Variants in SLC22A5 observed in about 807,000 individuals in gnomAD.
The protein encoded by SLC22A5 is solute carrier family 22 member 5, also known as organic cation/carnitine transporter 2.
Under a neutral mutation model 56.7 loss-of-function variants are expected in SLC22A5, and 44 were observed. The observed-to-expected ratio is 0.78, with a 90% CI of 0.61 to 1.00. The LOEUF (loss-of-function observed/expected upper bound fraction) is 1.00. Ranked by LOEUF, SLC22A5 falls within the 50% of genes least tolerant of loss-of-function variation. The pLI, the probability that SLC22A5 is intolerant of heterozygous loss-of-function variation, is 0.00. For missense variants in SLC22A5, 675 were observed against 723.0 expected (o/e 0.93, Z 0.76); for synonymous variants, 278 against 292.1 (o/e 0.95, Z 0.49).
At chr5:132,380,483 G>C (rs1752310859) in intron 2 of SLC22A5, 1 of 151,640 alleles carries the variant, frequency 6.6e-6, no homozygotes, top group South Asian at 2.1e-4. Flanking sequence ...AGAAAGAATT[G>C]AAGGGAAGCA....
At position 132,391,336 on chromosome 5, in the gene SLC22A5, G is replaced by A. The variant is rs1040100107; in HGVS notation, c.1267+432G>A. Among the ~76,000 whole-genome samples, 3 of 152,234 alleles carry A rather than the reference G, an allele frequency of 2.0e-5. No homozygotes were observed. The South Asian group carries it at 6.2e-4, about 32-fold the overall frequency. ...GCCAGGCAGAACCCCAGGCCCTCAT[G>A]GAACGTACACCCTAGATGAGAAGAC... On this transcript the variant is annotated intron_variant, in intron 7 of 9. Transcript: ENST00000245407.
chr5:132,393,764 C>T lies in SLC22A5; in HGVS notation c.1539C>T (p.Phe513=), dbSNP rs370593952. ...AILTLFLPES[F]GTPLPDTIDQ... is the part of the protein sequence containing the mutation. ...TCACCTTGTTTCTCCCAGAGAGCTTCGGTACCCCACTCCCAGACACCATTG... is the reference window on the plus strand; with the variant it reads ...TCACCTTGTTTCTCCCAGAGAGCTTTGGTACCCCACTCCCAGACACCATTG... Residue 513 remains phenylalanine, a synonymous_variant, in exon 9 of 10, where the codon TTC becomes TTT. Coordinates refer to ENST00000245407, the MANE Select transcript of SLC22A5 (RefSeq NM_003060.4). 21 of 1,614,018 alleles carry T rather than the reference C, an allele frequency of 1.3e-5. No individual in the cohort carries two copies. Among genetic ancestry groups the T allele is most frequent in the South Asian group, 1.2e-4 (11 of 91,088 alleles).
chr5:132,384,206 T>C lies in SLC22A5; in HGVS notation c.557T>C (p.Leu186Pro), dbSNP rs386134197. ...TMGMQTGFSF[L>P]QIFSKNFEMF... is the part of the protein sequence containing the mutation. ...GGCATGCAGACAGGCTTCAGCTTCC[T>C]GCAGATCTTCTCGAAGAATTTTGAG... is the stretch of plus-strand genomic sequence containing the variant. Residue 186 changes from leucine to proline, a missense_variant, in exon 3 of 10, where the codon CTG becomes CCG. By Grantham distance (98) the Leu-to-Pro change is moderately conservative. Transcript: ENST00000245407. 1 of 1,614,150 alleles carries C rather than the reference T, an allele frequency of 6.2e-7. No individual in the cohort carries two copies. The highest frequency in any genetic ancestry group is 1.3e-5 in the African/African-American group (1 of 74,960).
chr5:132,370,477 C>T, intron 1 of SLC22A5, 112 bp downstream of exon 1: 7 of 1,238,676 alleles, frequency 5.7e-6, no homozygotes, highest in East Asian at 5.1e-5. Flanking sequence ...ACTCCCCCTC[C>T]CCCAACGGTC....
intron 1 of SLC22A5, among the ~76,000 whole-genome samples, chr5:132,375,235 G>C (rs138243653): frequency 1.3e-5 from 2 of 152,206 alleles, no homozygotes; most frequent in Non-Finnish European, 2.9e-5. Flanking sequence ...TATACAGGGG[G>C]CACTGCCAGG....
Position 132,369,919 on chromosome 5 carries a change from A to C in SLC22A5, c.-54A>C. ...GCGGGTGCCCCGCGCGCACGCGCAA[A>C]GCCCGCCGCGTTCCCCGACCCCAGG... On this transcript the variant is annotated 5_prime_UTR_variant, in exon 1 of 10. Transcript: ENST00000245407. The C allele has an allele frequency of 6.2e-7, 1 of 1,601,500 alleles. No homozygotes were observed. The highest frequency in any genetic ancestry group is 2.2e-5 in the East Asian group (1 of 44,570).
chr5:132,389,476 G>C (rs1388535289), intron 6 of SLC22A5: 4 of 271,162 alleles, frequency 1.5e-5, no homozygotes, highest in Non-Finnish European at 7.3e-6. Context: ...TCCATAAACG[G>C]TCCTGGAGTC....
In SLC22A5 at chr5:132,394,412, T is replaced by C. The variant is rs946124464; in HGVS notation, c.*140T>C. ...GACCTGTGTCTGACTTGCTCCTGGATGGGCACCCACACTCAGAGGCTACAT... is the reference window on the plus strand; with the variant it reads ...GACCTGTGTCTGACTTGCTCCTGGACGGGCACCCACACTCAGAGGCTACAT... On this transcript the variant is annotated 3_prime_UTR_variant, in exon 10 of 10. Transcript: ENST00000245407. The C allele has an allele frequency of 1.3e-6, 1 of 752,390 alleles. No homozygotes were observed. The allele number at this position is 752,390 out of a possible 1,614,324, so 46.6% of individuals were successfully genotyped here.
chr5:132,370,953 C>CTTTTTTTTTT (rs750736082), intron 1 of SLC22A5, among the ~76,000 whole-genome samples: 17,162 of 132,746 alleles, frequency 0.13, 1,740 homozygotes, highest in East Asian at 0.32. Flanking sequence ...AGTTGTCAGT[C>CTTTTTTTTTT]TTTTTTTTTT....
At chr5:132,377,551 C>CT (rs1178589843) in intron 1 of SLC22A5, 1 of 152,480 alleles carries the variant, frequency 6.6e-6, no homozygotes. Flanking sequence ...ATCCAAGCGT[C>CT]TGGCTGCTTC....
At chr5:132,370,481 A>C in intron 1 of SLC22A5, 116 bp downstream of exon 1, 2 of 1,187,806 alleles carry the variant, frequency 1.7e-6, no homozygotes, top group Admixed American at 2.1e-5. Flanking sequence ...CCCCTCCCCC[A>C]ACGGTCAACA....
At chr5:132,378,631 G>A in intron 2 of SLC22A5, 150 bp downstream of exon 2, 1 of 692,176 alleles carries the variant, frequency 1.4e-6, no homozygotes, top group Non-Finnish European at 2.6e-6. Context: ...TAGACTCCAT[G>A]CCTAGTAAGA....
intron 5 of SLC22A5, 79 bp downstream of exon 5, chr5:132,387,230 C>A: frequency 1.9e-6 from 3 of 1,558,718 alleles, no homozygotes; most frequent in Non-Finnish European, 2.7e-6. Context: ...CTGAAGTCCT[C>A]CCTGCTCACA....
At chr5:132,392,277 G>A (rs952819143) in intron 7 of SLC22A5, among the ~76,000 whole-genome samples, 156 bp from the exon 8 acceptor site, 2 of 152,206 alleles carry the variant, frequency 1.3e-5, no homozygotes, top group Admixed American at 1.3e-4. Flanking sequence ...AATCAATTTG[G>A]AGGGAAATCT....
At chr5:132,380,204 A>G (rs1317877302) in intron 2 of SLC22A5, 1 of 152,474 alleles carries the variant, frequency 6.6e-6, no homozygotes, top group Non-Finnish European at 1.5e-5. Context: ...CCAGGCAGGG[A>G]GAATAGCAAG....
intron 4 of SLC22A5, among the ~76,000 whole-genome samples, chr5:132,386,178 C>T (rs1237712635): frequency 6.6e-6 from 1 of 152,080 alleles, no homozygotes; most frequent in Non-Finnish European, 1.5e-5. Flanking sequence ...ACTCAAGTGC[C>T]TTGATAAACA....
At chr5:132,389,202 C>T in intron 6 of SLC22A5, 181 bp downstream of exon 6, 1 of 608,716 alleles carries the variant, frequency 1.6e-6, no homozygotes, top group Non-Finnish European at 3.0e-6. Context: ...GGGATGGAAC[C>T]TCAGAAAAGG....
At position 132,370,010 on chromosome 5, in the gene SLC22A5, A is replaced by G; in HGVS notation, c.38A>G (p.Glu13Gly). 1 of 1,613,208 alleles carries G rather than the reference A, an allele frequency of 6.2e-7. No homozygotes were observed. The highest frequency in any genetic ancestry group is 8.5e-7 in the Non-Finnish European group (1 of 1,179,680). The change falls in exon 1 of 10, where the codon GAG (glutamate) becomes GGG (glycine). Residue 13 changes from glutamate to glycine, a missense_variant. Glu to Gly is a moderately conservative substitution (Grantham distance 98). Coordinates refer to ENST00000245407, the MANE Select transcript of SLC22A5 (RefSeq NM_003060.4). ...GACGAGGTGACCGCCTTCCTGGGCG[A>G]GTGGGGGCCCTTCCAGCGCCTCATC... ...DYDEVTAFLG[E>G]WGPFQRLIFF...
rs773721193 is a variant in SLC22A5 at position 132,389,034 on chromosome 5, G to T, written c.1052+13G>T. On this transcript the variant is annotated intron_variant, in intron 6 of 9. Transcript: ENST00000245407. Reference sequence around the variant, plus strand: ...CCATAATGCTGTGGTATGTAAAAGAGACCTGCCTGAGGCTTCCAGACAAAG... The same window carrying T: ...CCATAATGCTGTGGTATGTAAAAGATACCTGCCTGAGGCTTCCAGACAAAG... 1 of 1,557,336 alleles carries T rather than the reference G, an allele frequency of 6.4e-7. No homozygotes were observed. Among genetic ancestry groups the T allele is most frequent in the South Asian group, 1.1e-5 (1 of 89,922 alleles).
Sources: allele counts gnomAD v4.1 joint callset (sites outside exome capture counted in the v4.1 genomes callset), GRCh38; gene constraint gnomAD v4.1.1; transcripts MANE v1.5; gene names NCBI Gene and HGNC (gene_info 2026-07-23, HGNC 2026-07-21).